CASP6: variants seen among roughly 807,000 people sequenced by gnomAD.
CASP6 encodes caspase-6.
CASP6 carries 20 observed loss-of-function variants against 31.8 expected under a neutral mutation model. That is an observed-to-expected ratio of 0.63 (90% confidence interval 0.44 to 0.91). CASP6 has a LOEUF of 0.91. CASP6 is among the 40% of genes least tolerant of loss of function. The pLI is 0.00. For missense variants in CASP6, 328 were observed against 361.1 expected (o/e 0.91, Z 0.74); for synonymous variants, 130 against 127.8 (o/e 1.02, Z -0.12).
At chr4:109,672,740 A>C in the CASP6 span, among the ~76,000 whole-genome samples, 1 of 152,206 alleles carries the variant, frequency 6.6e-6, no homozygotes, top group African/African-American at 2.4e-5. Context: ...TTTCTGTTAA[A>C]AAAAGTCCTC....
upstream of CASP6, among the ~76,000 whole-genome samples, chr4:109,706,705 G>C (rs1031933663): frequency 6.6e-6 from 1 of 152,112 alleles, no homozygotes; most frequent in Admixed American, 6.5e-5. Context: ...CCAGGAGTTC[G>C]AGCCCAGACT....
the CASP6 span, among the ~76,000 whole-genome samples, chr4:109,665,855 G>C: frequency 3.2e-4 from 49 of 151,974 alleles, no homozygotes; most frequent in Non-Finnish European, 5.9e-4. Flanking sequence ...GGACATGAGA[G>C]AGCAAGGGAA....
In CASP6 at chr4:109,698,293, G is replaced by A; in HGVS notation, c.83+7C>T. Reference sequence around the variant, plus strand: ...GAGACCTTTATTAGAAAAGAGCACAGCTTTACCTTTTATAGAAGGCATCTG... The same window carrying A: ...GAGACCTTTATTAGAAAAGAGCACAACTTTACCTTTTATAGAAGGCATCTG... On this transcript the variant is annotated splice_region_variant and intron_variant, in intron 2 of 6. Coordinates refer to ENST00000265164, the MANE Select transcript of CASP6 (RefSeq NM_001226.4). The A allele has an allele frequency of 6.2e-7, 1 of 1,608,626 alleles. No individual in the cohort carries two copies. The highest frequency in any genetic ancestry group is 8.5e-7 in the Non-Finnish European group (1 of 1,178,226).
At chr4:109,703,242 A>G in intron 1 of CASP6, 114 bp downstream of exon 1, 1 of 1,253,296 alleles carries the variant, frequency 8.0e-7, no homozygotes, top group South Asian at 1.4e-5. Flanking sequence ...TGCAAAGCCG[A>G]AGGAACCCGC....
upstream of CASP6, among the ~76,000 whole-genome samples, chr4:109,703,814 C>T (rs1300405295): frequency 3.3e-5 from 5 of 152,264 alleles, no homozygotes; most frequent in Admixed American, 2.0e-4. Flanking sequence ...CTTTGCTATG[C>T]CTGTACTTTC....
At chr4:109,667,152 T>C in the CASP6 span, among the ~76,000 whole-genome samples, 1 of 152,144 alleles carries the variant, frequency 6.6e-6, no homozygotes, top group Non-Finnish European at 1.5e-5. Flanking sequence ...AAAGAGATTG[T>C]AGATAATTAA....
Position 109,690,988 on chromosome 4 carries a change from C to T in CASP6, c.505G>A (p.Asp169Asn), listed in dbSNP as rs753243548. ...ACATCCAAAGGAATGACTGGCACATCGTGCTGGTTTCCCCGACATGCCTAC... is the reference window on the plus strand; with the variant it reads ...ACATCCAAAGGAATGACTGGCACATTGTGCTGGTTTCCCCGACATGCCTAC... ...IIQACRGNQHDVPVIPLDVVD... is the reference protein window; with the variant it reads ...IIQACRGNQHNVPVIPLDVVD... The change falls in exon 6 of 7, where the codon GAT becomes AAT. Residue 169 changes from aspartate (D) to asparagine (N), a missense_variant. Physicochemically the swap from Asp to Asn is conservative, Grantham distance 23 (BLOSUM62 1). Transcript: ENST00000265164. 2.0e-5 allele frequency: 33 copies of T among 1,611,374 alleles called. No homozygotes were observed. Among genetic ancestry groups the T allele is most frequent in the South Asian group, 1.0e-4 (9 of 90,410 alleles).
At chr4:109,669,301 T>C in the CASP6 span, among the ~76,000 whole-genome samples, 5 of 152,306 alleles carry the variant, frequency 3.3e-5, no homozygotes, top group African/African-American at 1.2e-4. Context: ...TACCAAATTT[T>C]AGGCTGCTTT....
At chr4:109,705,995 AAAAAAAATATATAT>A (rs1377589880), upstream of CASP6, among the ~76,000 whole-genome samples, 2 of 57,562 alleles carry the variant, frequency 3.5e-5, no homozygotes, top group African/African-American at 9.5e-5. Flanking sequence ...AAAAAAAAAA[AAAAAAAATATATAT>A]ATATATATAT....
downstream of CASP6, chr4:109,687,568 A>G: frequency 3.1e-6 from 5 of 1,610,628 alleles, no homozygotes; most frequent in Non-Finnish European, 4.2e-6. Context: ...AAATGCAAGT[A>G]GAAGAACTCA....
upstream of CASP6, chr4:109,703,494 C>CCTCGG: frequency 4.8e-6 from 7 of 1,473,414 alleles, no homozygotes; most frequent in Non-Finnish European, 6.4e-6. Context: ...GCGGCCCCGC[C>CCTCGG]CCCTGCCCCC....
the CASP6 span, among the ~76,000 whole-genome samples, chr4:109,665,156 G>C: frequency 3.9e-5 from 6 of 152,104 alleles, no homozygotes; most frequent in African/African-American, 1.4e-4. Flanking sequence ...TCTTGGTGTT[G>C]TATATTCTAT....
Position 109,697,745 on chromosome 4 carries a change from T to C in CASP6, c.107A>G (p.Lys36Arg), listed in dbSNP as rs1243833673. 3 of 1,613,420 alleles carry C rather than the reference T, an allele frequency of 1.9e-6. No individual in the cohort carries two copies. Among genetic ancestry groups the C allele is most frequent in the Non-Finnish European group, 1.7e-6 (2 of 1,179,728 alleles). ...TCTCCTCCTGTGGTCCATTTTGTAC[T>C]TTTCTGCCGGATCAAACATTTCTCT... ...YKREMFDPAEKYKMDHRRRGI... is the reference protein window; with the variant it reads ...YKREMFDPAERYKMDHRRRGI... The change falls in exon 3 of 7, where the codon AAG (lysine) becomes AGG (arginine). Residue 36 changes from lysine to arginine, a missense_variant. Physicochemically the swap from Lys to Arg is conservative, Grantham distance 26. Transcript: ENST00000265164.
upstream of CASP6, among the ~76,000 whole-genome samples, chr4:109,704,021 A>G (rs1343279453): frequency 1.3e-5 from 2 of 152,106 alleles, no homozygotes; most frequent in African/African-American, 4.8e-5. Flanking sequence ...GGCACCATGA[A>G]CCGCGCTCAT....
the CASP6 span, among the ~76,000 whole-genome samples, chr4:109,679,069 C>T: frequency 1.2e-4 from 18 of 149,706 alleles, no homozygotes; most frequent in Middle Eastern, 3.3e-3. Context: ...CAGGCAGAGG[C>T]GCTCCTCACT....
downstream of CASP6, among the ~76,000 whole-genome samples, chr4:109,686,882 T>TA (rs1259452855): frequency 6.6e-6 from 1 of 150,900 alleles, no homozygotes; most frequent in African/African-American, 2.4e-5. Flanking sequence ...ATCTCTAAAA[T>TA]AAAAAAATTT....
the CASP6 span, chr4:109,681,440 G>A: frequency 2.2e-6 from 1 of 453,490 alleles, no homozygotes; most frequent in Non-Finnish European, 4.4e-6. Context: ...GGTAGAGAGT[G>A]TTACCGGGGG....
chr4:109,698,651 G>A (rs5030547), intron 1 of CASP6, among the ~76,000 whole-genome samples: 9,824 of 152,246 alleles, frequency 0.065, 317 homozygotes, highest in Middle Eastern at 0.095. Context: ...CTGTGATTAC[G>A]GAGTTGAAAT....
At position 109,689,382 on chromosome 4, in the gene CASP6, CAG is replaced by C; in HGVS notation, c.828_829del (p.Cys277PhefsTer7). The stretch of plus-strand genomic sequence containing the variant: ...CTTTTTAGTTAGCATTGAGGCAAAA[CAG>C]GGAACCTGCTTCTTTCCAATTGCAC... On this transcript the variant is annotated frameshift_variant, in exon 7 of 7. Transcript: ENST00000265164. LOFTEE classifies it high-confidence loss of function. 6.2e-7 allele frequency: 1 copy of C among 1,614,202 alleles called. No individual in the cohort carries two copies.
Sources: allele counts gnomAD v4.1 joint callset (sites outside exome capture counted in the v4.1 genomes callset), GRCh38; gene constraint gnomAD v4.1.1; transcripts MANE v1.5; gene names NCBI Gene and HGNC (gene_info 2026-07-23, HGNC 2026-07-21).